Variants in ALLC observed in about 807,000 individuals in gnomAD.
The protein encoded by ALLC is probable inactive allantoicase.
Under a neutral mutation model 45.0 loss-of-function variants are expected in ALLC, and 40 were observed. The observed-to-expected ratio is 0.89, with a 90% CI of 0.69 to 1.16. The LOEUF (loss-of-function observed/expected upper bound fraction) is 1.16. Ranked by LOEUF, ALLC falls within the 50% of genes most tolerant of loss-of-function variation. The probability of loss-of-function intolerance (pLI) is 0.00; values close to 1 mark genes in which losing one functional copy is unlikely to be tolerated. For missense variants in ALLC, 488 were observed against 493.1 expected, an observed-to-expected ratio of 0.99 and a Z score of 0.10; for synonymous variants, 176 against 178.1, an observed-to-expected ratio of 0.99 and a Z score of 0.09.
chr2:3,678,961 A>G (rs1667102027), intron 4 of ALLC, among the ~76,000 whole-genome samples: 1 of 152,196 alleles, frequency 6.6e-6, no homozygotes, highest in Non-Finnish European at 1.5e-5. Context: ...AGCCCAGGGC[A>G]CACTGCTAGC....
intron 3 of ALLC, among the ~76,000 whole-genome samples, chr2:3,676,054 C>T (rs115413878): frequency 0.016 from 2,386 of 152,364 alleles, 55 homozygotes; most frequent in African/African-American, 0.054. Context: ...GGGCTCCACC[C>T]TTGTGACCTA....
intron 6 of ALLC, among the ~76,000 whole-genome samples, chr2:3,682,061 A>G (rs1667193767): frequency 6.6e-6 from 1 of 152,214 alleles, no homozygotes; most frequent in Non-Finnish European, 1.5e-5. Flanking sequence ...AGAATTTAAT[A>G]AAAGAAACGG....
chr2:3,683,183 C>CT, intron 7 of ALLC, 109 bp downstream of exon 7: 2 of 1,234,004 alleles, frequency 1.6e-6, no homozygotes, highest in Non-Finnish European at 2.2e-6. Flanking sequence ...ATTGATCTCT[C>CT]TAGCATTTCA....
Position 3,687,102 on chromosome 2 carries a change from GT to G in ALLC, c.511+4037del, listed in dbSNP as rs779207987. 2.5e-4 allele frequency among the ~76,000 whole-genome samples: 38 copies of G among 149,428 alleles called. 3 individuals are homozygous for G. In the East Asian group the frequency reaches 3.2e-3, roughly 13 times the overall value. ...ATGTGGCTTTTGTTATTTTGAGGTA[GT>G]TTTTTTTTCTATACCCAATTTATTG... On this transcript the variant is annotated intron_variant, in intron 7 of 11. Transcript: ENST00000252505.
At chr2:3,657,934 C>T (rs1405236805), upstream of ALLC, among the ~76,000 whole-genome samples, 4 of 152,222 alleles carry the variant, frequency 2.6e-5, no homozygotes, top group Admixed American at 6.5e-5. Flanking sequence ...AACTTTAAGT[C>T]AGGTTACTGG....
Position 3,701,526 on chromosome 2 carries a change from A to T in ALLC, c.865A>T (p.Ser289Cys). The T allele has an allele frequency of 6.3e-7, 1 of 1,596,198 alleles. No homozygotes were observed. Among genetic ancestry groups the T allele is most frequent in the Non-Finnish European group, 8.5e-7 (1 of 1,170,878 alleles). ...TGCTCCAACAGGCAATGCTCCTGAC[A>T]GCTGTAAAGTGGATGGGTGCATCCT... ...TKYFEGNAPD[S>C]CKVDGCILTT... The change falls in exon 11 of 12, where the codon AGC becomes TGC. Residue 289 changes from serine to cysteine, a missense_variant. Physicochemically the swap from Ser to Cys is moderately radical, Grantham distance 112. Transcript: ENST00000252505.
At chr2:3,698,223 C>A (rs1394130721) in intron 10 of ALLC, among the ~76,000 whole-genome samples, 1 of 152,198 alleles carries the variant, frequency 6.6e-6, no homozygotes, top group African/African-American at 2.4e-5. Flanking sequence ...TCTCGGCCTC[C>A]CAAAGTGGTG....
At chr2:3,651,313 TGGG>T in the ALLC span, among the ~76,000 whole-genome samples, 12 of 8,534 alleles carry the variant, frequency 1.4e-3, 1 homozygote, top group African/African-American at 3.8e-3. Context: ...GGTGGGTGGG[TGGG>T]GGGGGTGTGT....
chr2:3,668,948 T>C (rs1004654960), intron 1 of ALLC, among the ~76,000 whole-genome samples: 1 of 152,128 alleles, frequency 6.6e-6, no homozygotes, highest in African/African-American at 2.4e-5. Flanking sequence ...GGTCCCTGAA[T>C]ATTCCCACTG....
In ALLC at chr2:3,689,721, T is replaced by G. The variant is rs142584307; in HGVS notation, c.512-5996T>G. On this transcript the variant is annotated intron_variant, in intron 7 of 11. Transcript: ENST00000252505. ...TGTTCTGTAATGTCAGTTAGGGCCA[T>G]TAGATCTAGTGTGTAGTTCAACTTC... Among the ~76,000 whole-genome samples, 20 of 151,106 alleles carry G rather than the reference T, an allele frequency of 1.3e-4. 2 individuals carry two copies. In the East Asian group the frequency reaches 3.5e-3, roughly 27 times the overall value.
At position 3,696,340 on chromosome 2, in the gene ALLC, A is replaced by G. The variant is rs759353559; in HGVS notation, c.733A>G (p.Ile245Val). 1.9e-6 allele frequency: 3 copies of G among 1,612,130 alleles called. No individual in the cohort carries two copies. Among genetic ancestry groups the G allele is most frequent in the Non-Finnish European group, 2.5e-6 (3 of 1,179,136 alleles). Residue 245 changes from isoleucine (I) to valine (V), a missense_variant, in exon 9 of 12, where the codon ATA becomes GTA. Coordinates refer to ENST00000252505, the MANE Select transcript of ALLC (RefSeq NM_018436.4). ...ETARRLDRPPILENDENGILL... is the reference protein window; with the variant it reads ...ETARRLDRPPVLENDENGILL... ...TGCAAGAAGGCTGGACCGGCCACCA[A>G]TATTAGAAGTAAGAAGTTAAAAATA... is the stretch of plus-strand genomic sequence containing the variant.
chr2:3,650,647 G>A, the ALLC span, among the ~76,000 whole-genome samples: 2 of 152,164 alleles, frequency 1.3e-5, no homozygotes, highest in South Asian at 2.1e-4. Context: ...CTCCTGGGGC[G>A]TCTCGCACTT....
At chr2:3,647,276 C>G in the ALLC span, among the ~76,000 whole-genome samples, 2 of 151,194 alleles carry the variant, frequency 1.3e-5, no homozygotes, top group African/African-American at 4.9e-5. Flanking sequence ...GAGGGTCAGT[C>G]TTTCTAGGCC....
chr2:3,670,640 G>T (rs1666841448), intron 1 of ALLC, among the ~76,000 whole-genome samples: 1 of 152,196 alleles, frequency 6.6e-6, no homozygotes, highest in Non-Finnish European at 1.5e-5. Context: ...GTTCCCGTGT[G>T]GGGGTGTTCT....
At chr2:3,696,931 T>C (rs991210478) in intron 9 of ALLC, among the ~76,000 whole-genome samples, 1 of 152,206 alleles carries the variant, frequency 6.6e-6, no homozygotes, top group Admixed American at 6.5e-5. Flanking sequence ...GAGATATCAA[T>C]GAACAGACTC....
chr2:3,656,368 T>G (rs1220106119), upstream of ALLC, among the ~76,000 whole-genome samples: 1 of 152,154 alleles, frequency 6.6e-6, no homozygotes. Context: ...GCTCTTGTTC[T>G]CCTCCCGCCC....
chr2:3,690,942 T>A (rs950343094), intron 7 of ALLC, among the ~76,000 whole-genome samples: 2 of 146,848 alleles, frequency 1.4e-5, no homozygotes, highest in Admixed American at 6.8e-5. Context: ...TGTTTTCTTT[T>A]TGCACATTAG....
chr2:3,676,602 A>G (rs1261237432), intron 3 of ALLC, among the ~76,000 whole-genome samples: 1 of 152,164 alleles, frequency 6.6e-6, no homozygotes, highest in Non-Finnish European at 1.5e-5. Flanking sequence ...TGATGTGTGT[A>G]GACCCAGGCC....
In ALLC at chr2:3,674,135, AT is replaced by A. The variant is rs1448770105; in HGVS notation, c.84+12del. 1 of 1,552,650 alleles carries A rather than the reference AT, an allele frequency of 6.4e-7. No individual in the cohort carries two copies. The highest frequency in any genetic ancestry group is 1.4e-5 in the African/African-American group (1 of 73,660). On this transcript the variant is annotated intron_variant, in intron 3 of 11. Transcript: ENST00000252505. Reference sequence around the variant, plus strand: ...AGAAAACCTCATAAAGGTATTGTAAATTGACATTCTGCAATGTAAAGGGTTG... The same window carrying A: ...AGAAAACCTCATAAAGGTATTGTAAATGACATTCTGCAATGTAAAGGGTTG...
Sources: gnomAD v4.1 joint callset for allele counts (sites outside exome capture counted in the v4.1 genomes callset) on GRCh38, gnomAD v4.1.1 for gene constraint, MANE v1.5 for transcripts, NCBI Gene and HGNC (gene_info 2026-07-23, HGNC 2026-07-21) for gene names.